The following ROBO2 variants were observed in gnomAD, a reference collection of about 807,000 sequenced individuals.
ROBO2 encodes roundabout homolog 2.
A neutral mutation model predicts 160.8 loss-of-function variants in ROBO2; 53 were observed. The observed-to-expected ratio is 0.33, with a 90% CI of 0.26 to 0.41. ROBO2 has a LOEUF of 0.41. Among genes scored for constraint, ROBO2 ranks in the 10% least tolerant of loss-of-function variants. The pLI, the probability that ROBO2 is intolerant of heterozygous loss-of-function variation, is 1.00. For missense variants in ROBO2, 1,577 were observed against 1,722.4 expected (o/e 0.92, Z 1.49); for synonymous variants, 664 against 611.7 (o/e 1.09, Z -1.26).
chr3:76,310,521 C>T (rs2071529251), intron 2 of ROBO2, among the ~76,000 whole-genome samples: 1 of 152,160 alleles, frequency 6.6e-6, no homozygotes, highest in Admixed American at 6.5e-5. Flanking sequence ...AAATTATATA[C>T]TTATTGTTGT....
intron 2 of ROBO2, among the ~76,000 whole-genome samples, chr3:76,472,522 G>A (rs1189553140): frequency 6.6e-6 from 1 of 152,038 alleles, no homozygotes; most frequent in Non-Finnish European, 1.5e-5. Flanking sequence ...CATTTCTCCA[G>A]CCACGACATT....
intron 19 of ROBO2, among the ~76,000 whole-genome samples, chr3:77,601,432 T>C (rs915485103): frequency 1.3e-5 from 2 of 152,190 alleles, no homozygotes; most frequent in Non-Finnish European, 2.9e-5. Context: ...TTATAAAGCA[T>C]CATGTAAAAA....
intron 2 of ROBO2, among the ~76,000 whole-genome samples, chr3:77,015,556 C>G (rs980119000): frequency 6.6e-6 from 1 of 152,090 alleles, no homozygotes; most frequent in Non-Finnish European, 1.5e-5. Context: ...ACAATGTTGG[C>G]GTTGGGTAGC....
chr3:76,639,178 A>G (rs929813336), intron 2 of ROBO2, among the ~76,000 whole-genome samples: 2 of 152,112 alleles, frequency 1.3e-5, no homozygotes, highest in Admixed American at 6.6e-5. Flanking sequence ...ATGTGTATAT[A>G]TGTATACATG....
chr3:76,305,694 G>C (rs531655675), intron 2 of ROBO2, among the ~76,000 whole-genome samples: 11 of 151,946 alleles, frequency 7.2e-5, no homozygotes, highest in South Asian at 2.1e-4. Flanking sequence ...AGGAGGCGGA[G>C]GTTGCAATGA....
At position 77,477,396 on chromosome 3, in the gene ROBO2, G is replaced by A. The variant is rs1369756476; in HGVS notation, c.389-18G>A. The A allele has an allele frequency of 2.5e-6, 4 of 1,612,112 alleles. No individual in the cohort carries two copies. The highest frequency in any genetic ancestry group is 1.3e-5 in the African/African-American group (1 of 74,842). ...TACTGTCGTTGAGTTTTCTTTTCCT[G>A]TAATTATTTTTCCTCAGTGTTACGA... is the stretch of plus-strand genomic sequence containing the variant. On this transcript the variant is annotated intron_variant, in intron 2 of 25. Coordinates refer to ENST00000461745, the Ensembl canonical transcript of ROBO2.
intron 2 of ROBO2, among the ~76,000 whole-genome samples, chr3:76,667,913 A>C (rs2092114753): frequency 6.6e-6 from 1 of 152,208 alleles, no homozygotes; most frequent in Non-Finnish European, 1.5e-5. Flanking sequence ...AAAGCACAGT[A>C]AGTTTGAAAA....
intron 2 of ROBO2, among the ~76,000 whole-genome samples, chr3:77,102,297 G>C (rs2072066036): frequency 6.6e-6 from 1 of 151,996 alleles, no homozygotes; most frequent in Admixed American, 6.6e-5. Flanking sequence ...GTGTGTGTGT[G>C]TGTTGCGTGG....
chr3:77,355,797 T>C (rs1465762903), intron 2 of ROBO2, among the ~76,000 whole-genome samples: 1 of 151,976 alleles, frequency 6.6e-6, no homozygotes, highest in Non-Finnish European at 1.5e-5. Flanking sequence ...TTGCATAAGG[T>C]GAAGGACACC....
intron 2 of ROBO2, among the ~76,000 whole-genome samples, chr3:77,192,736 C>T (rs1224665885): frequency 6.7e-6 from 1 of 149,358 alleles, no homozygotes; most frequent in Non-Finnish European, 1.5e-5. Flanking sequence ...ACCTCTGCCT[C>T]CTGGGTTCAA....
intron 2 of ROBO2, among the ~76,000 whole-genome samples, chr3:77,304,643 C>T (rs1289755858): frequency 1.3e-5 from 2 of 152,150 alleles, no homozygotes; most frequent in African/African-American, 4.8e-5. Flanking sequence ...TTCTGTGGCA[C>T]ATACCGCATC....
At chr3:77,491,930 T>TA (rs1470240950) in intron 4 of ROBO2, among the ~76,000 whole-genome samples, 12 of 152,198 alleles carry the variant, frequency 7.9e-5, no homozygotes, top group Admixed American at 4.6e-4. Flanking sequence ...TCTTGCAACT[T>TA]ACACATTTGT....
chr3:75,920,705 G>C (rs964768081), intron 1 of ROBO2, among the ~76,000 whole-genome samples: 1 of 152,080 alleles, frequency 6.6e-6, no homozygotes, highest in African/African-American at 2.4e-5. Flanking sequence ...TATGAATCCT[G>C]GTGCTCCTGT....
At chr3:77,386,243 T>C (rs2074084098) in intron 2 of ROBO2, among the ~76,000 whole-genome samples, 1 of 152,232 alleles carries the variant, frequency 6.6e-6, no homozygotes, top group African/African-American at 2.4e-5. Flanking sequence ...AGCTATTAGA[T>C]GTCCTGACTA....
intron 9 of ROBO2, among the ~76,000 whole-genome samples, chr3:77,559,260 C>T (rs902437066): frequency 1.3e-5 from 2 of 152,092 alleles, no homozygotes; most frequent in African/African-American, 4.8e-5. Flanking sequence ...ACAGGTCCCA[C>T]TTACACTCCA....
At chr3:76,345,261 GGA>G (rs1415981302) in intron 2 of ROBO2, among the ~76,000 whole-genome samples, 119 of 152,124 alleles carry the variant, frequency 7.8e-4, no homozygotes, top group Non-Finnish European at 6.8e-4. Flanking sequence ...CCAAGTCATG[GGA>G]AAGGCCTCTG....
Position 76,868,043 on chromosome 3 carries a change from A to C in ROBO2, c.110-229971A>C, listed in dbSNP as rs553189961. On this transcript the variant is annotated intron_variant, in intron 2 of 26. Coordinates refer to the ROBO2 transcript ENST00000487694. ...TCTCCATCATAAATCATCAGACAAC[A>C]TTCATTTGGCTCCATTTTAGGAGTA... 1.3e-3 allele frequency among the ~76,000 whole-genome samples: 192 copies of C among 152,268 alleles called. 1 individual carries two copies. Among genetic ancestry groups the C allele is most frequent in the African/African-American group, 4.4e-3 (182 of 41,556 alleles).
chr3:77,138,764 A>C (rs2076475064), intron 2 of ROBO2, among the ~76,000 whole-genome samples: 1 of 152,180 alleles, frequency 6.6e-6, no homozygotes, highest in Admixed American at 6.5e-5. Flanking sequence ...TTGTGCCATA[A>C]TTTAAAGTGG....
chr3:76,768,291 C>T (rs916318044), intron 2 of ROBO2, among the ~76,000 whole-genome samples: 7 of 151,356 alleles, frequency 4.6e-5, no homozygotes, highest in Non-Finnish European at 8.9e-5. Context: ...CAGTTTTCTG[C>T]GGAAGACAGT....
Sources: allele counts gnomAD v4.1 joint callset (sites outside exome capture counted in the v4.1 genomes callset), GRCh38; gene constraint gnomAD v4.1.1; transcripts MANE v1.5; gene names NCBI Gene and HGNC (gene_info 2026-07-23, HGNC 2026-07-21).